Variants in MYOM1 observed in about 807,000 individuals in gnomAD.
MYOM1 encodes the protein myomesin 1.
In MYOM1, 164 loss-of-function variants were observed where a neutral mutation model predicts 205.3. The observed-to-expected ratio is 0.80, with a 90% CI of 0.70 to 0.91. The LOEUF is 0.91. Ranked by LOEUF, MYOM1 falls within the 40% of genes least tolerant of loss-of-function variation. The pLI, the probability that MYOM1 is intolerant of heterozygous loss-of-function variation, is 0.00. For missense variants in MYOM1, 2,011 were observed against 2,127.3 expected (o/e 0.95, Z 1.08); for synonymous variants, 772 against 789.4 (o/e 0.98, Z 0.37).
chr18:3,110,965 T>C (rs1598680394), intron 22 of MYOM1, among the ~76,000 whole-genome samples: 1 of 145,158 alleles, frequency 6.9e-6, no homozygotes, highest in Non-Finnish European at 1.5e-5. Flanking sequence ...TTTCTTTCTT[T>C]TTTTGGGATG....
chr18:3,090,668 G>A lies in MYOM1; in HGVS notation c.3999C>T (p.Leu1333=), dbSNP rs572955495. 143 of 1,613,866 alleles carry A rather than the reference G, an allele frequency of 8.9e-5. No individual in the cohort carries two copies. The South Asian group carries it at 1.3e-3, about 14-fold the overall frequency. Residue 1333 remains leucine, a synonymous_variant, in exon 27 of 38, where the codon CTC becomes CTT. Coordinates refer to ENST00000356443, the MANE Select transcript of MYOM1 (RefSeq NM_003803.4). ...CCACGGAATTCTTACCATCTCCAAC[G>A]AGAACAACAGTAGAATGGTTAGTTG... ...GKATNHSTVV[L]VGDVFKKLQK...
chr18:3,124,322 A>T (rs1176717888), intron 19 of MYOM1, among the ~76,000 whole-genome samples: 14 of 113,538 alleles, frequency 1.2e-4, no homozygotes, highest in Admixed American at 1.2e-3. Flanking sequence ...TTTTTTTGAG[A>T]TGGAGTCTCA....
At chr18:3,067,880 C>T (rs932880901) in intron 37 of MYOM1, among the ~76,000 whole-genome samples, 1 of 152,086 alleles carries the variant, frequency 6.6e-6, no homozygotes, top group Non-Finnish European at 1.5e-5. Flanking sequence ...ATATAGATGC[C>T]TTTTGCTCTA....
chr18:3,102,245 C>T (rs924600862), intron 23 of MYOM1, among the ~76,000 whole-genome samples: 2 of 151,960 alleles, frequency 1.3e-5, no homozygotes, highest in African/African-American at 4.8e-5. Flanking sequence ...ACCTCGTGAT[C>T]CACCTGCCTT....
At chr18:3,126,434 T>C (rs1177533097) in intron 19 of MYOM1, among the ~76,000 whole-genome samples, 2 of 152,118 alleles carry the variant, frequency 1.3e-5, no homozygotes, top group East Asian at 1.9e-4. Flanking sequence ...AAAATTAGTT[T>C]GTACAGTAAG....
At chr18:3,183,437 T>C (rs1449634222) in intron 5 of MYOM1, among the ~76,000 whole-genome samples, 1 of 152,184 alleles carries the variant, frequency 6.6e-6, no homozygotes, top group Non-Finnish European at 1.5e-5. Flanking sequence ...GAGCGGCTGC[T>C]GAGTGCTTGT....
At chr18:3,187,412 G>A (rs906247647) in intron 5 of MYOM1, 68 bp downstream of exon 5, 1 of 1,530,962 alleles carries the variant, frequency 6.5e-7, no homozygotes, top group East Asian at 2.3e-5. Context: ...GTTGTTCTGT[G>A]TGTTTCCACT....
chr18:3,233,402 G>A, the MYOM1 span, among the ~76,000 whole-genome samples: 4 of 152,202 alleles, frequency 2.6e-5, no homozygotes, highest in African/African-American at 7.2e-5. Flanking sequence ...GGTATTGAGA[G>A]TACAAACAGA....
chr18:3,211,014 A>C (rs1485136375), intron 2 of MYOM1, among the ~76,000 whole-genome samples: 2 of 152,198 alleles, frequency 1.3e-5, no homozygotes, highest in Non-Finnish European at 2.9e-5. Flanking sequence ...AAGACAACTA[A>C]ATGTCTACTG....
rs1293763165 is a variant in MYOM1 at position 3,079,173 on chromosome 18, G to A, written c.4648+6C>T. The stretch of plus-strand genomic sequence containing the variant: ...GTAAATTTGAATCTGCAAAATATCT[G>A]TTTACCTTGTCCAGAGAGATCCACT... On this transcript the variant is annotated splice_donor_region_variant and intron_variant, in intron 34 of 37. Transcript: ENST00000356443. The A allele has an allele frequency of 1.2e-6, 2 of 1,613,274 alleles. No individual in the cohort carries two copies. Among genetic ancestry groups the A allele is most frequent in the East Asian group, 4.5e-5 (2 of 44,874 alleles).
At chr18:3,141,092 A>T (rs554123594) in intron 14 of MYOM1, among the ~76,000 whole-genome samples, 3 of 152,116 alleles carry the variant, frequency 2.0e-5, no homozygotes, top group Non-Finnish European at 2.9e-5. Flanking sequence ...AGTAGCAATG[A>T]TCCTGTTAGC....
intron 2 of MYOM1, among the ~76,000 whole-genome samples, chr18:3,198,782 CAAAAAAAGAAAAAAAA>C (rs1325057318): frequency 1.7e-5 from 2 of 117,966 alleles, no homozygotes; most frequent in Non-Finnish European, 3.5e-5. Flanking sequence ...GACTCTGTCT[CAAAAAAAGAAAAAAAA>C]AAAAAAAGAT....
intron 10 of MYOM1, among the ~76,000 whole-genome samples, chr18:3,162,919 G>A (rs1239911036): frequency 3.9e-5 from 6 of 152,116 alleles, no homozygotes; most frequent in Admixed American, 1.3e-4. Flanking sequence ...CCAGCTACTC[G>A]GGAGGCTGAC....
At position 3,171,723 on chromosome 18, in the gene MYOM1, C is replaced by T. The variant is rs142916653; in HGVS notation, c.1174+2215G>A. ...AAATAAAAAGAAGTACAGTATTTTG[C>T]GATGTGAAAAGTCACAGGAAATTTA... On this transcript the variant is annotated intron_variant, in intron 8 of 37. Transcript: ENST00000356443. Among the ~76,000 whole-genome samples, 8 of 152,076 alleles carry T rather than the reference C, an allele frequency of 5.3e-5. No homozygotes were observed. The East Asian group carries it at 1.5e-3, about 29-fold the overall frequency.
Position 3,174,020 on chromosome 18 carries a change from C to A in MYOM1, c.1112-20G>T, listed in dbSNP as rs17183883. 6.2e-7 allele frequency: 1 copy of A among 1,609,930 alleles called. No individual in the cohort carries two copies. Among genetic ancestry groups the A allele is most frequent in the African/African-American group, 1.3e-5 (1 of 74,800 alleles). ...TATACCCTAGAGAAGAAAACAGAAA[C>A]GCATGTGAACTGCTTTGTGATCGAT... On this transcript the variant is annotated intron_variant, in intron 7 of 37. Transcript: ENST00000356443.
At chr18:3,079,107 C>G in intron 34 of MYOM1, 72 bp downstream of exon 34, 1 of 1,523,976 alleles carries the variant, frequency 6.6e-7, no homozygotes, top group Non-Finnish European at 8.9e-7. Context: ...GCCACCATGC[C>G]CAACTCCCTT....
chr18:3,230,511 T>C, the MYOM1 span, among the ~76,000 whole-genome samples: 1 of 152,254 alleles, frequency 6.6e-6, no homozygotes, highest in African/African-American at 2.4e-5. Context: ...AAGTTTTCAT[T>C]TGCATAGTAG....
intron 30 of MYOM1, among the ~76,000 whole-genome samples, chr18:3,085,542 G>A (rs1421975425): frequency 6.6e-6 from 1 of 152,018 alleles, no homozygotes; most frequent in Non-Finnish European, 1.5e-5. Flanking sequence ...AATTTGACCA[G>A]CGAGCTAGCA....
Position 3,100,303 on chromosome 18 carries a change from A to C in MYOM1, c.3682+17T>G. ...AAAGCAACATTCGATGTGTGAATGC[A>C]CTGATTTTAAACTTACCTTCCTCAT... On this transcript the variant is annotated intron_variant, in intron 24 of 37. Coordinates refer to ENST00000356443, the MANE Select transcript of MYOM1 (RefSeq NM_003803.4). The C allele has an allele frequency of 6.2e-7, 1 of 1,612,574 alleles. No individual in the cohort carries two copies. Among genetic ancestry groups the C allele is most frequent in the Non-Finnish European group, 8.5e-7 (1 of 1,178,624 alleles).
Sources: allele counts gnomAD v4.1 joint callset (sites outside exome capture counted in the v4.1 genomes callset), GRCh38; gene constraint gnomAD v4.1.1; transcripts MANE v1.5; gene names NCBI Gene and HGNC (gene_info 2026-07-23, HGNC 2026-07-21).